CCDC85A: variants seen among roughly 807,000 people sequenced by gnomAD.
CCDC85A encodes the protein coiled-coil domain containing 85A, also known as coiled-coil domain-containing protein 85A.
A neutral mutation model predicts 50.2 loss-of-function variants in CCDC85A; 38 were observed. That is an observed-to-expected ratio of 0.76 (90% CI 0.58 to 0.99). The LOEUF (loss-of-function observed/expected upper bound fraction) is 0.99. Among genes scored for constraint, CCDC85A ranks in the 50% least tolerant of loss-of-function variants. CCDC85A has a pLI of 0.00. For synonymous variants in CCDC85A, 366 were observed against 301.4 expected (o/e 1.21, Z -2.22); for missense variants, 820 against 742.0 (o/e 1.11, Z -1.22).
intron 2 of CCDC85A, among the ~76,000 whole-genome samples, chr2:56,265,996 C>T (rs1160245367): frequency 6.6e-6 from 1 of 152,084 alleles, no homozygotes; most frequent in Non-Finnish European, 1.5e-5. Context: ...TTTGCCACAT[C>T]GTGAATGAAC....
At chr2:56,267,323 C>G (rs1030610285) in intron 2 of CCDC85A, among the ~76,000 whole-genome samples, 1 of 151,944 alleles carries the variant, frequency 6.6e-6, no homozygotes, top group Non-Finnish European at 1.5e-5. Context: ...ACTGCTATTT[C>G]TGATCCTTTT....
intron 2 of CCDC85A, among the ~76,000 whole-genome samples, chr2:56,292,211 T>C (rs979632217): frequency 6.6e-6 from 1 of 151,982 alleles, no homozygotes; most frequent in Admixed American, 6.6e-5. Flanking sequence ...GCCTCCCGAG[T>C]AGCTGGGACT....
chr2:56,379,094 T>C (rs17268806), intron 5 of CCDC85A, among the ~76,000 whole-genome samples: 16,582 of 152,244 alleles, frequency 0.11, 1,104 homozygotes, highest in Admixed American at 0.15. Flanking sequence ...TAAAATTGTT[T>C]AAAAGGCATT....
At chr2:56,288,235 A>C (rs998335107) in intron 2 of CCDC85A, among the ~76,000 whole-genome samples, 1 of 151,714 alleles carries the variant, frequency 6.6e-6, no homozygotes, top group Non-Finnish European at 1.5e-5. Flanking sequence ...TGGCAAATTC[A>C]TCATGACTCA....
At chr2:56,321,458 A>T (rs1673180027) in intron 2 of CCDC85A, among the ~76,000 whole-genome samples, 1 of 152,220 alleles carries the variant, frequency 6.6e-6, no homozygotes, top group Non-Finnish European at 1.5e-5. Context: ...AGGATACAAA[A>T]TCAGTGTGCA....
chr2:56,354,928 T>C (rs911706606), intron 3 of CCDC85A, among the ~76,000 whole-genome samples: 1 of 152,172 alleles, frequency 6.6e-6, no homozygotes, highest in South Asian at 2.1e-4. Context: ...ACTGAGTAGA[T>C]TGTGTTTCCT....
chr2:56,278,032 A>G (rs957634661), intron 2 of CCDC85A, among the ~76,000 whole-genome samples: 2 of 152,202 alleles, frequency 1.3e-5, no homozygotes, highest in African/African-American at 2.4e-5. Context: ...TGGGGAGGCC[A>G]TACCTTCAAA....
intron 2 of CCDC85A, among the ~76,000 whole-genome samples, chr2:56,332,944 C>T (rs1293110267): frequency 6.6e-6 from 1 of 152,080 alleles, no homozygotes; most frequent in East Asian, 1.9e-4. Context: ...GAAATAATTT[C>T]CTTAAGGGGA....
At chr2:56,352,367 T>A (rs2104347569) in intron 3 of CCDC85A, among the ~76,000 whole-genome samples, 1 of 152,288 alleles carries the variant, frequency 6.6e-6, no homozygotes, top group South Asian at 2.1e-4. Flanking sequence ...TTTTCTTTTT[T>A]CGAGACAGGC....
rs547969330 is a variant in CCDC85A at position 56,293,629 on chromosome 2, CA to C, written c.1241-49245del. On this transcript the variant is annotated intron_variant, in intron 2 of 5. Transcript: ENST00000407595. The stretch of plus-strand genomic sequence containing the variant: ...ATTTACAAGAAAAAAACAACTCCAT[CA>C]AAAAGTGGGCACAGGACATGAACAG... Among the ~76,000 whole-genome samples the C allele has an allele frequency of 2.0e-3, 300 of 152,192 alleles. 3 individuals are homozygous for C. Among genetic ancestry groups the C allele is most frequent in the African/African-American group, 7.1e-3 (295 of 41,534 alleles).
chr2:56,332,993 A>G (rs760206292), intron 2 of CCDC85A, among the ~76,000 whole-genome samples: 6 of 152,200 alleles, frequency 3.9e-5, no homozygotes, highest in Non-Finnish European at 5.9e-5. Context: ...ATAGAATTTT[A>G]TTGTGCCAAA....
chr2:56,376,110 T>C (rs1558665996), intron 5 of CCDC85A, among the ~76,000 whole-genome samples, 175 bp downstream of exon 5: 1 of 152,178 alleles, frequency 6.6e-6, no homozygotes, highest in Non-Finnish European at 1.5e-5. Flanking sequence ...TGTTCTAAAC[T>C]GACAATGAGT....
rs146780016 is a variant in CCDC85A at position 56,193,248 on chromosome 2, C to A, written c.1048C>A (p.His350Asn). 1.2e-4 allele frequency: 196 copies of A among 1,613,800 alleles called. 3 individuals are homozygous for A. The African/African-American group carries it at 2.3e-3, about 19-fold the overall frequency. ...ACACGCTCTTGGGGGGAGCCTAGAG[C>A]ATCTCCCCAGAGCCAGGGGCACCAG... ...QKHALGGSLEHLPRARGTSPE... is the reference protein window; with the variant it reads ...QKHALGGSLENLPRARGTSPE... Residue 350 changes from histidine to asparagine, a missense_variant, in exon 2 of 6, where the codon CAT (histidine) becomes AAT (asparagine). Physicochemically the swap from His to Asn is moderately conservative, Grantham distance 68. Transcript: ENST00000407595.
At chr2:56,283,426 C>T (rs1671293647) in intron 2 of CCDC85A, among the ~76,000 whole-genome samples, 1 of 152,122 alleles carries the variant, frequency 6.6e-6, no homozygotes, top group Admixed American at 6.5e-5. Flanking sequence ...TTCACTTTGA[C>T]TGTTCAAACT....
chr2:56,316,418 T>C lies in CCDC85A; in HGVS notation c.1241-26461T>C, dbSNP rs369344940. Among the ~76,000 whole-genome samples the C allele has an allele frequency of 3.9e-5, 6 of 152,274 alleles. No homozygotes were observed. In the East Asian group the frequency reaches 7.7e-4, roughly 20 times the overall value. On this transcript the variant is annotated intron_variant, in intron 2 of 5. Coordinates refer to ENST00000407595, the MANE Select transcript of CCDC85A (RefSeq NM_001080433.2). ...TCTGAGGACCCACACAAAGGAACTT[T>C]GTTTCTGTTGAGTGCATAGGAAGAT...
chr2:56,284,384 T>C (rs1283166850), intron 2 of CCDC85A, among the ~76,000 whole-genome samples: 1 of 152,238 alleles, frequency 6.6e-6, no homozygotes, highest in Non-Finnish European at 1.5e-5. Flanking sequence ...TCTTCTTATT[T>C]TTTTTGAGAC....
At chr2:56,201,567 T>C (rs1676750208) in intron 2 of CCDC85A, among the ~76,000 whole-genome samples, 1 of 152,198 alleles carries the variant, frequency 6.6e-6, no homozygotes, top group Admixed American at 6.5e-5. Context: ...TGTATGTAGC[T>C]ATAACTTCCT....
intron 2 of CCDC85A, among the ~76,000 whole-genome samples, chr2:56,254,674 A>G (rs1669906290): frequency 6.6e-6 from 1 of 152,188 alleles, no homozygotes; most frequent in Non-Finnish European, 1.5e-5. Context: ...TCAAATAACC[A>G]ACAAATAAAT....
chr2:56,209,346 C>A (rs1677092002), intron 2 of CCDC85A, among the ~76,000 whole-genome samples: 1 of 151,034 alleles, frequency 6.6e-6, no homozygotes. Flanking sequence ...GAACCCTAGT[C>A]ACTTACAAGA....
Sources: gnomAD v4.1 joint callset for allele counts (sites outside exome capture counted in the v4.1 genomes callset) on GRCh38, gnomAD v4.1.1 for gene constraint, MANE v1.5 for transcripts, NCBI Gene and HGNC (gene_info 2026-07-23, HGNC 2026-07-21) for gene names.